Variants in ASTN2 observed in about 807,000 individuals in gnomAD.
ASTN2 encodes astrotactin 2, also known as astrotactin-2.
A neutral mutation model predicts 139.8 loss-of-function variants in ASTN2; 54 were observed. That is an observed-to-expected ratio of 0.39 (90% confidence interval 0.31 to 0.48). The LOEUF (loss-of-function observed/expected upper bound fraction) is 0.48. Ranked by LOEUF, ASTN2 falls within the 20% of genes least tolerant of loss-of-function variation. The pLI, the probability that ASTN2 is intolerant of heterozygous loss-of-function variation, is 0.95. For missense variants in ASTN2, 1,565 were observed against 1,725.1 expected (o/e 0.91, Z 1.64); for synonymous variants, 756 against 719.5 (o/e 1.05, Z -0.81).
intron 17 of ASTN2, among the ~76,000 whole-genome samples, chr9:116,639,825 T>C (rs16933781): frequency 0.024 from 3,615 of 152,322 alleles, 141 homozygotes; most frequent in African/African-American, 0.082. Context: ...TAAACAGTGC[T>C]ACCTTCATGC....
intron 16 of ASTN2, chr9:116,700,131 A>T: frequency 4.1e-6 from 1 of 245,070 alleles, no homozygotes; most frequent in Non-Finnish European, 8.6e-6. Flanking sequence ...TTTCTCTTGA[A>T]CTCTGATTGG....
intron 19 of ASTN2, among the ~76,000 whole-genome samples, chr9:116,565,410 T>TAC: frequency 8.0e-6 from 1 of 124,246 alleles, no homozygotes; most frequent in Non-Finnish European, 1.7e-5. Context: ...TATATATATA[T>TAC]ATATATATAT....
At chr9:116,764,602 C>T (rs1372098322) in intron 13 of ASTN2, among the ~76,000 whole-genome samples, 1 of 152,192 alleles carries the variant, frequency 6.6e-6, no homozygotes, top group Non-Finnish European at 1.5e-5. Context: ...CTATTTATTT[C>T]TCCATTTAAC....
In ASTN2 at chr9:116,425,203, G is replaced by C. The variant is rs1041175124; in HGVS notation, c.*648C>G. 7.5e-6 allele frequency: 2 copies of C among 265,498 alleles called. No individual in the cohort carries two copies. The highest frequency in any genetic ancestry group is 4.6e-5 in the African/African-American group (2 of 43,410). 16.4% of individuals were successfully genotyped at this position (265,498 alleles called of 1,614,324 possible). A position where few individuals can be genotyped will look rare whatever the true frequency, so the allele number is the denominator to read the frequency against. ...GAGGTCTCTCAAGCACATTCCCTTG[G>C]TAAGAAATACCACCCAAGCAGAAAG... On this transcript the variant is annotated 3_prime_UTR_variant, in exon 23 of 23. Transcript: ENST00000313400.
chr9:116,861,814 T>C (rs1210006773), intron 11 of ASTN2, among the ~76,000 whole-genome samples: 1 of 152,204 alleles, frequency 6.6e-6, no homozygotes, highest in African/African-American at 2.4e-5. Flanking sequence ...GAAGTGTTTT[T>C]GTCCTGTAGG....
At chr9:117,060,185 C>T (rs1046212320) in intron 5 of ASTN2, among the ~76,000 whole-genome samples, 3 of 151,548 alleles carry the variant, frequency 2.0e-5, no homozygotes, top group African/African-American at 7.3e-5. Flanking sequence ...GTGGTGTGCA[C>T]TTGCAGTTCC....
At chr9:116,805,106 G>A (rs1195077572) in intron 13 of ASTN2, among the ~76,000 whole-genome samples, 5 of 121,762 alleles carry the variant, frequency 4.1e-5, no homozygotes, top group Admixed American at 8.9e-5. Flanking sequence ...CTGGGATTTG[G>A]GGAGTGTGTG....
At chr9:117,263,620 C>T (rs1233479839) in intron 2 of ASTN2, among the ~76,000 whole-genome samples, 3 of 152,176 alleles carry the variant, frequency 2.0e-5, no homozygotes, top group African/African-American at 4.8e-5. Context: ...GGGAGATACT[C>T]GGGAATTGAA....
In ASTN2 at chr9:116,548,782, G is replaced by T. The variant is rs186330581; in HGVS notation, c.3356-61282C>A. On this transcript the variant is annotated intron_variant, in intron 19 of 22. Transcript: ENST00000313400. ...AGCCACTGTGCCCGGCCTGGGGAAG[G>T]TTTTAAAAATGAACACCTGTGCCCC... 1.3e-3 allele frequency among the ~76,000 whole-genome samples: 199 copies of T among 152,208 alleles called. 1 individual carries two copies. Among genetic ancestry groups the T allele is most frequent in the Non-Finnish European group, 2.4e-3 (166 of 68,004 alleles).
intron 16 of ASTN2, chr9:116,686,605 C>G (rs936587700): frequency 2.3e-6 from 3 of 1,283,712 alleles, no homozygotes; most frequent in Non-Finnish European, 2.2e-6. Context: ...GCCCCAGATT[C>G]CCTCAAATCT....
chr9:116,472,464 A>C (rs1201731053), intron 20 of ASTN2, among the ~76,000 whole-genome samples: 1 of 152,198 alleles, frequency 6.6e-6, no homozygotes, highest in Non-Finnish European at 1.5e-5. Context: ...CAATATGATT[A>C]GCTGCTTAAA....
intron 13 of ASTN2, among the ~76,000 whole-genome samples, chr9:116,745,674 G>T (rs954222297): frequency 2.6e-5 from 4 of 152,152 alleles, no homozygotes; most frequent in African/African-American, 9.7e-5. Context: ...AGCTGTTCTT[G>T]AGGCCATCAT....
chr9:117,132,349 G>A (rs540955183), intron 4 of ASTN2, among the ~76,000 whole-genome samples: 217 of 152,254 alleles, frequency 1.4e-3, no homozygotes, highest in African/African-American at 5.1e-3. Context: ...ATAAATGGGT[G>A]CTATTTTAGT....
At chr9:116,709,073 G>C (rs778046907) in intron 16 of ASTN2, among the ~76,000 whole-genome samples, 38 of 152,312 alleles carry the variant, frequency 2.5e-4, no homozygotes, top group Non-Finnish European at 2.5e-4. Flanking sequence ...CTGGAAACAG[G>C]CTGGTTGTCA....
chr9:116,699,235 T>C lies in ASTN2; in HGVS notation c.2806+26536A>G. 6.2e-7 allele frequency: 1 copy of C among 1,614,244 alleles called. No homozygotes were observed. Among genetic ancestry groups the C allele is most frequent in the East Asian group, 2.2e-5 (1 of 44,866 alleles). ...GGTGGAAAGCTTTGGTGTTTCACAG[T>C]TGATCGAGGATCAGGGGTGGTCAAA... On this transcript the variant is annotated intron_variant, in intron 16 of 22. Transcript: ENST00000313400. The surrounding 1 kb of genome is among the most constrained non-coding windows in gnomAD (Gnocchi z 4.2).
At position 116,967,648 on chromosome 9, in the gene ASTN2, C is replaced by T. The variant is rs554742667; in HGVS notation, c.1889+7560G>A. On this transcript the variant is annotated intron_variant, in intron 10 of 22. Transcript: ENST00000313400. ...AAAGCTTGTAAGAGAGCTGCAAGGG[C>T]AAGAAGTCAGTTTTGCTCACCTCCA... 2.6e-5 allele frequency among the ~76,000 whole-genome samples: 4 copies of T among 152,298 alleles called. No individual in the cohort carries two copies. The South Asian group carries it at 6.2e-4, about 24-fold the overall frequency.
At chr9:117,206,599 C>A (rs913392929) in intron 3 of ASTN2, among the ~76,000 whole-genome samples, 3 of 152,166 alleles carry the variant, frequency 2.0e-5, no homozygotes, top group African/African-American at 7.2e-5. Flanking sequence ...TCTTCATTAC[C>A]CCAAGCCCAC....
chr9:117,384,350 C>T (rs1830343898), intron 1 of ASTN2, among the ~76,000 whole-genome samples: 1 of 152,152 alleles, frequency 6.6e-6, no homozygotes, highest in Non-Finnish European at 1.5e-5. Flanking sequence ...CCAAGATAAC[C>T]TTCACCTGAG....
intron 10 of ASTN2, among the ~76,000 whole-genome samples, chr9:116,924,679 C>T (rs1476653839): frequency 1.3e-5 from 2 of 151,956 alleles, no homozygotes; most frequent in Non-Finnish European, 2.9e-5. Context: ...GGTGGGAGTG[C>T]CTCTTAGGAT....
Sources: allele counts gnomAD v4.1 joint callset (sites outside exome capture counted in the v4.1 genomes callset), GRCh38; gene constraint gnomAD v4.1.1; non-coding constraint Gnocchi (gnomAD v3.1); transcripts MANE v1.5; gene names NCBI Gene and HGNC (gene_info 2026-07-23, HGNC 2026-07-21).